Variants in ESYT3 observed in about 807,000 individuals in gnomAD.
The protein encoded by ESYT3 is extended synaptotagmin 3.
A neutral mutation model predicts 111.5 loss-of-function variants in ESYT3; 101 were observed. That is an observed-to-expected ratio of 0.91 (90% CI 0.77 to 1.07). The LOEUF (loss-of-function observed/expected upper bound fraction) is 1.07. Ranked by LOEUF, ESYT3 falls within the 50% of genes least tolerant of loss-of-function variation. The probability of loss-of-function intolerance (pLI) is 0.00; values close to 1 mark genes in which losing one functional copy is unlikely to be tolerated. For synonymous variants in ESYT3, 416 were observed against 446.8 expected, an observed-to-expected ratio of 0.93 and a Z score of 0.87; for missense variants, 1,097 against 1,109.4, an observed-to-expected ratio of 0.99 and a Z score of 0.16.
rs1211655517 is a variant in ESYT3, at chr3:138,457,580, A to G, written c.517A>G (p.Asn173Asp). The change falls in exon 4 of 23, where the codon AAC (asparagine) becomes GAC (aspartate). Residue 173 changes from asparagine to aspartate, a missense_variant. Transcript: ENST00000389567. ...LYFGQKCPRV[N>D]GVKAHTNTCN... Reference sequence around the variant, plus strand: ...GCATTTCTTCCAGTGTCCCAGGGTCAACGGTGTCAAGGCACACACTAATAC... The same window carrying G: ...GCATTTCTTCCAGTGTCCCAGGGTCGACGGTGTCAAGGCACACACTAATAC... 6.2e-7 allele frequency: 1 copy of G among 1,614,150 alleles called. No homozygotes were observed. Among genetic ancestry groups the G allele is most frequent in the South Asian group, 1.1e-5 (1 of 91,084 alleles).
At chr3:138,470,342 T>C (rs1019822353) in intron 16 of ESYT3, 196 bp downstream of exon 16, 2 of 1,282,600 alleles carry the variant, frequency 1.6e-6, no homozygotes, top group Non-Finnish European at 2.0e-6. Flanking sequence ...TATAGGGGGA[T>C]GTGGGAGGAT....
rs761924607 is a variant in ESYT3, at chr3:138,470,041, C to T, written c.1504-19C>T. 6.2e-7 allele frequency: 1 copy of T among 1,607,504 alleles called. No homozygotes were observed. Among genetic ancestry groups the T allele is most frequent in the Non-Finnish European group, 8.5e-7 (1 of 1,175,462 alleles). ...GCCCAACCTAACCCTTCAATGATCT[C>T]TCCCTCTTCTGTTCCCAGACCTGTC... On this transcript the variant is annotated intron_variant, in intron 15 of 22. Coordinates refer to ENST00000389567, the MANE Select transcript of ESYT3 (RefSeq NM_031913.5).
downstream of ESYT3, chr3:138,480,606 A>G (rs2033671251): frequency 6.6e-6 from 1 of 152,252 alleles, no homozygotes; most frequent in African/African-American, 2.4e-5. Flanking sequence ...AATCTATATG[A>G]ATACATTCAA....
At chr3:138,463,494 C>T (rs2032761391) in intron 8 of ESYT3, among the ~76,000 whole-genome samples, 1 of 152,200 alleles carries the variant, frequency 6.6e-6, no homozygotes, top group African/African-American at 2.4e-5. Context: ...AAGTACTTCA[C>T]TATGGGAATG....
intron 1 of ESYT3, among the ~76,000 whole-genome samples, chr3:138,448,266 TAAAAAAAAAAAAAAAAA>T: frequency 2.2e-5 from 1 of 44,608 alleles, no homozygotes; most frequent in African/African-American, 9.1e-5. Context: ...AAACTCGATC[TAAAAAAAAAAAAAAAAA>T]AAAAAAAAAA....
At chr3:138,463,626 G>T (rs2032769046) in intron 8 of ESYT3, among the ~76,000 whole-genome samples, 1 of 152,148 alleles carries the variant, frequency 6.6e-6, no homozygotes, top group Non-Finnish European at 1.5e-5. Flanking sequence ...ATTTTTGCTA[G>T]TATGCCCTTG....
At chr3:138,460,870 CCACACCACACACA>C (rs1560230687) in intron 7 of ESYT3, among the ~76,000 whole-genome samples, 4 of 152,156 alleles carry the variant, frequency 2.6e-5, no homozygotes, top group East Asian at 1.9e-4. Flanking sequence ...CACCCCCCGC[CCACACCACACACA>C]CACACCACAC....
Position 138,477,090 on chromosome 3 carries a change from T to C in ESYT3, c.*236T>C. On this transcript the variant is annotated 3_prime_UTR_variant, in exon 23 of 23. Coordinates refer to ENST00000389567, the MANE Select transcript of ESYT3 (RefSeq NM_031913.5). ...TTTTGGTTGGATTTTTTTGTTCAAG[T>C]CCAGAAAGAAATGTTATATTTGTGC... 2.4e-6 allele frequency: 1 copy of C among 410,610 alleles called. No individual in the cohort carries two copies. Among genetic ancestry groups the C allele is most frequent in the African/African-American group, 2.1e-5 (1 of 48,590 alleles). 25.4% of individuals were successfully genotyped at this position (410,610 alleles called of 1,614,324 possible).
chr3:138,466,198 C>T (rs374237605), intron 10 of ESYT3, among the ~76,000 whole-genome samples: 1 of 152,142 alleles, frequency 6.6e-6, no homozygotes, highest in African/African-American at 2.4e-5. Context: ...TGCATGTGTT[C>T]ATGTTAGCAG....
In ESYT3 at chr3:138,470,891, C is replaced by A. The variant is rs1285763507; in HGVS notation, c.1605C>A (p.Asp535Glu). Residue 535 changes from aspartate to glutamate, a missense_variant, in exon 17 of 23, where the codon GAC becomes GAA. Transcript: ENST00000389567. ...ERLHLKVLDDDQECALGMLEV... is the reference protein window; with the variant it reads ...ERLHLKVLDDEQECALGMLEV... ...CCACTGCCCAGGTGCTTGATGATGA[C>A]CAGGAGTGTGCTCTGGGAATGCTGG... 1 of 1,614,082 alleles carries A rather than the reference C, an allele frequency of 6.2e-7. No individual in the cohort carries two copies. The highest frequency in any genetic ancestry group is 1.1e-5 in the South Asian group (1 of 91,074).
chr3:138,461,376 C>T (rs1169302683), intron 7 of ESYT3, among the ~76,000 whole-genome samples: 1 of 152,144 alleles, frequency 6.6e-6, no homozygotes, highest in Non-Finnish European at 1.5e-5. Flanking sequence ...AGGCTGCTCT[C>T]AGAGCCCCAG....
rs2032697588 is a variant in ESYT3 at position 138,462,390 on chromosome 3, C to T, written c.915+184C>T. On this transcript the variant is annotated intron_variant, in intron 8 of 22. Transcript: ENST00000389567. ...CATTTTGTCCTTGGGGTGTATCCCA[C>T]TTGGGAGGTAGTGTCAAATTTACTG... 6 of 764,562 alleles carry T rather than the reference C, an allele frequency of 7.8e-6. No homozygotes were observed. In the South Asian group the frequency reaches 9.8e-5, roughly 12 times the overall value. The allele number at this position is 764,562 out of a possible 1,614,324, so 47.4% of individuals were successfully genotyped here.
At position 138,436,909 on chromosome 3, in the gene ESYT3, C is replaced by T. The variant is rs572780028; in HGVS notation, c.327+1784C>T. On this transcript the variant is annotated intron_variant, in intron 1 of 22. Transcript: ENST00000389567. ...GAGCTATATGTAAAGGCAGTATATC[C>T]GATATTGGGTCAAAAATCAGATCGT... 5.3e-5 allele frequency among the ~76,000 whole-genome samples: 8 copies of T among 152,268 alleles called. No individual in the cohort carries two copies. The South Asian group carries it at 1.0e-3, about 20-fold the overall frequency.
In ESYT3 at chr3:138,459,315, G is replaced by C. The variant is rs954139311; in HGVS notation, c.648+62G>C. 1.2e-5 allele frequency: 17 copies of C among 1,407,254 alleles called. No individual in the cohort carries two copies. The Middle Eastern group carries it at 5.6e-4, about 46-fold the overall frequency. The allele number at this position is 1,407,254 out of a possible 1,614,324, so 87.2% of individuals were successfully genotyped here. ...CCCCAGGGTGGGGATCAGGGAAGGG[G>C]AAGCCAGGTCATGCCAGAGTAGGCC... On this transcript the variant is annotated intron_variant, in intron 5 of 22. Transcript: ENST00000389567.
At chr3:138,471,212 A>C (rs2033204074) in intron 17 of ESYT3, among the ~76,000 whole-genome samples, 186 bp downstream of exon 17, 3 of 152,244 alleles carry the variant, frequency 2.0e-5, no homozygotes, top group Admixed American at 2.0e-4. Context: ...CAGGCTCTTC[A>C]AATATTGCCT....
Position 138,457,594 on chromosome 3 carries a change from A to G in ESYT3, c.531A>G (p.Ala177=), listed in dbSNP as rs35605373. ...GTCCCAGGGTCAACGGTGTCAAGGC[A>G]CACACTAATACGTGCAACCGAAGAC... ...QKCPRVNGVK[A]HTNTCNRRRV... The change falls in exon 4 of 23, where the codon GCA becomes GCG. Residue 177 remains alanine, a synonymous_variant. Transcript: ENST00000389567. 4.3e-3 allele frequency: 6,931 copies of G among 1,614,134 alleles called. 238 individuals are homozygous for G. In the African/African-American group the frequency reaches 0.078, roughly 18 times the overall value.
At position 138,440,090 on chromosome 3, in the gene ESYT3, A is replaced by C. The variant is rs1223314476; in HGVS notation, c.327+4965A>C. On this transcript the variant is annotated intron_variant, in intron 1 of 22. Transcript: ENST00000389567. The surrounding 1 kb of genome is among the most constrained non-coding windows in gnomAD (Gnocchi z 4.2). Reference sequence around the variant, plus strand: ...CTTCATAGCTGTAGGGTCTGCCATCATTAACCAGTCCCGAGCCTGCTTTTC... The same window carrying C: ...CTTCATAGCTGTAGGGTCTGCCATCCTTAACCAGTCCCGAGCCTGCTTTTC... Among the ~76,000 whole-genome samples, 1 of 152,188 alleles carries C rather than the reference A, an allele frequency of 6.6e-6. No individual in the cohort carries two copies. The highest frequency in any genetic ancestry group is 1.5e-5 in the Non-Finnish European group (1 of 68,034).
chr3:138,449,409 C>G (rs1261660245), intron 1 of ESYT3, among the ~76,000 whole-genome samples: 1 of 152,096 alleles, frequency 6.6e-6, no homozygotes, highest in African/African-American at 2.4e-5. Flanking sequence ...TTTCAGGATG[C>G]ATGTGGGTCA....
chr3:138,457,106 C>A (rs2032323548), intron 3 of ESYT3, among the ~76,000 whole-genome samples: 1 of 152,206 alleles, frequency 6.6e-6, no homozygotes, highest in African/African-American at 2.4e-5. Flanking sequence ...ACCACACCCC[C>A]TTTCTTCACA....
Sources: allele counts gnomAD v4.1 joint callset (sites outside exome capture counted in the v4.1 genomes callset), GRCh38; gene constraint gnomAD v4.1.1; non-coding constraint Gnocchi (gnomAD v3.1); transcripts MANE v1.5; gene names NCBI Gene and HGNC (gene_info 2026-07-23, HGNC 2026-07-21).